Variants in DMC1 observed in about 807,000 individuals in gnomAD.
The protein encoded by DMC1 is meiotic recombination protein DMC1 homolog.
DMC1 carries 27 observed loss-of-function variants against 50.1 expected under a neutral mutation model. The observed-to-expected ratio is 0.54, with a 90% CI of 0.40 to 0.74. The LOEUF (loss-of-function observed/expected upper bound fraction) is 0.74, where lower values mean the gene tolerates loss of function less well. Ranked by LOEUF, DMC1 falls within the 30% of genes least tolerant of loss-of-function variation. DMC1 has a pLI of 0.00. For synonymous variants in DMC1, 148 were observed against 136.1 expected (o/e 1.09, Z -0.61); for missense variants, 295 against 420.2 (o/e 0.70, Z 2.60).
chr22:38,509,713 A>G, the DMC1 span, among the ~76,000 whole-genome samples: 1 of 151,918 alleles, frequency 6.6e-6, no homozygotes, highest in Non-Finnish European at 1.5e-5. Context: ...TCTGTCGCCC[A>G]GGCTGGAGTG....
At chr22:38,513,224 C>A in the DMC1 span, among the ~76,000 whole-genome samples, 1 of 152,198 alleles carries the variant, frequency 6.6e-6, no homozygotes, top group South Asian at 2.1e-4. Flanking sequence ...CCTGGTCAGG[C>A]CTCTGCCACT....
At position 38,568,304 on chromosome 22, in the gene DMC1, A is replaced by C; in HGVS notation, c.-33-15T>G. On this transcript the variant is annotated splice_polypyrimidine_tract_variant and intron_variant, in intron 1 of 13. Transcript: ENST00000216024. ...AATAATCACTTCTGGGAAAATAAGAAATATTATGTAAGAAGTAGTCCTTTG... is the reference window on the plus strand; with the variant it reads ...AATAATCACTTCTGGGAAAATAAGACATATTATGTAAGAAGTAGTCCTTTG... 6.3e-7 allele frequency: 1 copy of C among 1,586,046 alleles called. No homozygotes were observed. Among genetic ancestry groups the C allele is most frequent in the South Asian group, 1.1e-5 (1 of 90,438 alleles).
chr22:38,554,171 C>T (rs1313850042), intron 6 of DMC1, among the ~76,000 whole-genome samples: 1 of 151,780 alleles, frequency 6.6e-6, no homozygotes, highest in Non-Finnish European at 1.5e-5. Flanking sequence ...AAAGACCCCA[C>T]CACAGGAAAG....
chr22:38,536,259 T>A (rs1398661442), intron 12 of DMC1, among the ~76,000 whole-genome samples: 1 of 151,806 alleles, frequency 6.6e-6, no homozygotes, highest in African/African-American at 2.4e-5. Flanking sequence ...AGCATTATCA[T>A]GAATTTAGAT....
At chr22:38,526,409 T>TATGGGGTTTTGCC (rs1336005320) in intron 12 of DMC1, among the ~76,000 whole-genome samples, 1 of 151,994 alleles carries the variant, frequency 6.6e-6, no homozygotes, top group Non-Finnish European at 1.5e-5. Context: ...GGGGTTTCAC[T>TATGGGGTTTTGCC]ATGTTAATCA....
At position 38,552,252 on chromosome 22, in the gene DMC1, G is replaced by T. The variant is rs960964812; in HGVS notation, c.421+414C>A. ...ATTTGTGGAAAAGGAGATATCTTTC[G>T]TTATTTTGTTTAAAACAATTTTGTT... On this transcript the variant is annotated intron_variant, in intron 7 of 13. Transcript: ENST00000216024. Among the ~76,000 whole-genome samples, 123 of 152,106 alleles carry T rather than the reference G, an allele frequency of 8.1e-4. 1 individual carries two copies. The highest frequency in any genetic ancestry group is 6.8e-4 in the Non-Finnish European group (46 of 68,016).
At chr22:38,520,402 G>T (rs1441184575) in intron 13 of DMC1, among the ~76,000 whole-genome samples, 3 of 149,414 alleles carry the variant, frequency 2.0e-5, no homozygotes, top group Non-Finnish European at 3.0e-5. Context: ...TCTTGCTCTT[G>T]TCCCCCAGGC....
chr22:38,533,742 TAC>T (rs1261341775), intron 12 of DMC1, among the ~76,000 whole-genome samples: 5 of 152,208 alleles, frequency 3.3e-5, no homozygotes, highest in Non-Finnish European at 5.9e-5. Flanking sequence ...GCAAGATATT[TAC>T]ACAGTCTCAA....
intron 5 of DMC1, among the ~76,000 whole-genome samples, chr22:38,558,301 T>A (rs906313460): frequency 2.0e-5 from 3 of 152,108 alleles, no homozygotes; most frequent in Non-Finnish European, 4.4e-5. Flanking sequence ...ATAATTAAAA[T>A]GTTTAAGAGA....
intron 6 of DMC1, among the ~76,000 whole-genome samples, chr22:38,553,298 A>G (rs1602755469): frequency 1.3e-5 from 2 of 149,678 alleles, no homozygotes; most frequent in African/African-American, 4.9e-5. Flanking sequence ...GGGGATTGAG[A>G]CCATCCTGGC....
intron 13 of DMC1, among the ~76,000 whole-genome samples, chr22:38,521,032 G>C (rs1003669556): frequency 6.6e-6 from 1 of 151,868 alleles, no homozygotes; most frequent in East Asian, 1.9e-4. Context: ...CCACTGTGCC[G>C]GGCCAAAATC....
Position 38,550,215 on chromosome 22 carries a change from T to C in DMC1, c.422-218A>G, listed in dbSNP as rs11570410. 1.4e-3 allele frequency among the ~76,000 whole-genome samples: 220 copies of C among 152,304 alleles called. 1 individual carries two copies. Among genetic ancestry groups the C allele is most frequent in the South Asian group, 8.5e-3 (41 of 4,832 alleles). ...CATAGTTGTTATTCAACAAATAATTTCACTATCTTTCACAATGGAAGATAT... is the reference window on the plus strand; with the variant it reads ...CATAGTTGTTATTCAACAAATAATTCCACTATCTTTCACAATGGAAGATAT... On this transcript the variant is annotated intron_variant, in intron 7 of 13. Coordinates refer to ENST00000216024, the MANE Select transcript of DMC1 (RefSeq NM_007068.4).
chr22:38,547,664 T>G (rs2090358039), intron 8 of DMC1, among the ~76,000 whole-genome samples: 1 of 152,090 alleles, frequency 6.6e-6, no homozygotes, highest in Admixed American at 6.6e-5. Flanking sequence ...CTAAGCCTCC[T>G]GAGTAGCTGG....
intron 8 of DMC1, chr22:38,549,695 T>C: frequency 2.1e-6 from 1 of 479,244 alleles, no homozygotes; most frequent in African/African-American, 2.0e-5. Flanking sequence ...AATGATGATA[T>C]AATTTCCTCT....
chr22:38,568,452 TGTG>T (rs1268606330), intron 1 of DMC1, 163 bp from the exon 2 acceptor site: 10 of 338,700 alleles, frequency 3.0e-5, no homozygotes, highest in Middle Eastern at 7.7e-4. Flanking sequence ...CATTATTTCT[TGTG>T]TGTGTGTGTG....
intron 8 of DMC1, among the ~76,000 whole-genome samples, chr22:38,543,117 G>T (rs1314050691): frequency 6.6e-6 from 1 of 152,230 alleles, no homozygotes; most frequent in South Asian, 2.1e-4. Flanking sequence ...GGAAGCATTG[G>T]GGAAACTCTG....
At chr22:38,525,302 CTG>C (rs1030468942) in intron 12 of DMC1, among the ~76,000 whole-genome samples, 4 of 152,086 alleles carry the variant, frequency 2.6e-5, no homozygotes, top group Non-Finnish European at 4.4e-5. Context: ...ATCTTCAAAA[CTG>C]TAATTCAGGG....
Position 38,567,606 on chromosome 22 carries a change from C to A in DMC1, c.73G>T (p.Asp25Tyr). 6.2e-7 allele frequency: 1 copy of A among 1,610,056 alleles called. No homozygotes were observed. The highest frequency in any genetic ancestry group is 1.1e-5 in the South Asian group (1 of 90,920). Residue 25 changes from aspartate to tyrosine, a missense_variant, in exon 3 of 14, where the codon GAC becomes TAC. By Grantham distance (160) the Asp-to-Tyr change is radical. Coordinates refer to ENST00000216024, the MANE Select transcript of DMC1 (RefSeq NM_007068.4). ...DEEESLFQDI[D>Y]LLQKHGINVA... Reference sequence around the variant, plus strand: ...ACAATTCCATGTTTCTGTAACAGGTCAATATCTTGAAACAAAGATTCCTAA... The same window carrying A: ...ACAATTCCATGTTTCTGTAACAGGTAAATATCTTGAAACAAAGATTCCTAA...
chr22:38,551,830 C>A (rs5757133), intron 7 of DMC1, among the ~76,000 whole-genome samples: 2,328 of 149,884 alleles, frequency 0.016, 20 homozygotes, highest in Non-Finnish European at 0.025. Context: ...GATTGAAGTC[C>A]GGCATTTTGA....
Sources: gnomAD v4.1 joint callset for allele counts (sites outside exome capture counted in the v4.1 genomes callset) on GRCh38, gnomAD v4.1.1 for gene constraint, MANE v1.5 for transcripts, NCBI Gene and HGNC (gene_info 2026-07-23, HGNC 2026-07-21) for gene names.